The following ZIK1 variants were observed in gnomAD, a reference collection of about 807,000 sequenced individuals.
ZIK1 encodes zinc finger protein interacting with ribonucleoprotein K.
In ZIK1, 12 loss-of-function variants were observed where a neutral mutation model predicts 10.7. The observed-to-expected ratio is 1.12, with a 90% CI of 0.72 to 1.81. The LOEUF (loss-of-function observed/expected upper bound fraction) is 1.81, where lower values mean the gene tolerates loss of function less well. ZIK1 is among the 40% of genes most tolerant of loss of function. ZIK1 has a pLI of 0.00. For synonymous variants in ZIK1, 190 were observed against 205.0 expected (o/e 0.93, Z 0.63); for missense variants, 497 against 585.7 (o/e 0.85, Z 1.56).
chr19:57,590,188 T>C lies in ZIK1; in HGVS notation c.377T>C (p.Val126Ala), dbSNP rs1031435119. The C allele has an allele frequency of 5.0e-6, 8 of 1,614,220 alleles. No homozygotes were observed. The African/African-American group carries it at 1.1e-4, about 22-fold the overall frequency. ...ADLPGQKPYL[V>A]GECTNHHQHQ... is the part of the protein sequence containing the mutation. ...CTCCCTGGGCAGAAACCATACTTGG[T>C]TGGAGAATGTACAAACCATCACCAG... Residue 126 changes from valine (V) to alanine (A), a missense_variant, in exon 4 of 4, where the codon GTT becomes GCT. Val to Ala is a moderately conservative substitution (Grantham distance 64). Transcript: ENST00000597850.
chr19:57,587,850 T>A (rs777616482), intron 2 of ZIK1, among the ~76,000 whole-genome samples: 7 of 151,974 alleles, frequency 4.6e-5, no homozygotes, highest in Non-Finnish European at 8.8e-5. Flanking sequence ...AGGTTGGAGG[T>A]AGAGAGCCAC....
chr19:57,589,288 G>A (rs1979445237), intron 3 of ZIK1: 1 of 985,326 alleles, frequency 1.0e-6, no homozygotes, highest in Non-Finnish European at 1.2e-6. Flanking sequence ...CTTGTTGAGT[G>A]GCAACTGGTT....
intron 2 of ZIK1, among the ~76,000 whole-genome samples, chr19:57,586,937 C>G (rs1248150214): frequency 6.6e-6 from 1 of 152,120 alleles, no homozygotes; most frequent in African/African-American, 2.4e-5. Flanking sequence ...TAAAGATGTG[C>G]TGGAGACTAG....
chr19:57,589,622 G>T (rs1250253470), intron 3 of ZIK1: 2 of 985,280 alleles, frequency 2.0e-6, no homozygotes, highest in African/African-American at 3.5e-5. Context: ...AGTTTCAATT[G>T]TATTTTCCTG....
rs1307972728 is a variant in ZIK1 at position 57,584,334 on chromosome 19, C to T, written c.-23C>T. ...TCCGCCCGTAGCTGTCGGGTCCCGG[C>T]CCCGCTCTGCCCACAGACTCCGATG... On this transcript the variant is annotated 5_prime_UTR_variant, in exon 1 of 4. Transcript: ENST00000597850. 1.3e-6 allele frequency: 2 copies of T among 1,582,620 alleles called. No individual in the cohort carries two copies. The highest frequency in any genetic ancestry group is 1.7e-6 in the Non-Finnish European group (2 of 1,164,890).
In ZIK1 at chr19:57,584,934, A is replaced by G. The variant is rs1978994749; in HGVS notation, c.34-18A>G. The G allele has an allele frequency of 1.2e-6, 2 of 1,613,466 alleles. No individual in the cohort carries two copies. Among genetic ancestry groups the G allele is most frequent in the Admixed American group, 1.7e-5 (1 of 59,910 alleles). Reference sequence around the variant, plus strand: ...CCTGTATGGTCACCTGCCTTTCATGATCTTTGGCTTTCCACAGGTTACTGT... The same window carrying G: ...CCTGTATGGTCACCTGCCTTTCATGGTCTTTGGCTTTCCACAGGTTACTGT... On this transcript the variant is annotated intron_variant, in intron 1 of 3. Transcript: ENST00000597850.
intron 1 of ZIK1, among the ~76,000 whole-genome samples, 183 bp from the exon 2 acceptor site, chr19:57,584,769 G>C (rs1978978124): frequency 6.6e-6 from 1 of 152,234 alleles, no homozygotes; most frequent in African/African-American, 2.4e-5. Context: ...CAGGGAGGTT[G>C]AGTTCTTGTG....
In ZIK1 at chr19:57,584,395, C is replaced by T. The variant is rs1978940465; in HGVS notation, c.33+6C>T. The T allele has an allele frequency of 6.2e-7, 1 of 1,608,048 alleles. No homozygotes were observed. The highest frequency in any genetic ancestry group is 2.2e-5 in the East Asian group (1 of 44,670). On this transcript the variant is annotated splice_donor_region_variant and intron_variant, in intron 1 of 3. Coordinates refer to ENST00000597850, the MANE Select transcript of ZIK1 (RefSeq NM_001010879.4). Reference sequence around the variant, plus strand: ...CGCTGAGGGCCCCGACTCAGGTGAGCGCTGCCTCTACTGGGCCTCACCCTC... The same window carrying T: ...CGCTGAGGGCCCCGACTCAGGTGAGTGCTGCCTCTACTGGGCCTCACCCTC...
Position 57,591,265 on chromosome 19 carries a change from A to AT in ZIK1, c.1455dup (p.Asn486Ter). On this transcript the variant is annotated frameshift_variant, in exon 4 of 4. Coordinates refer to ENST00000597850, the MANE Select transcript of ZIK1 (RefSeq NM_001010879.4). LOFTEE classifies it high-confidence loss of function. ...AGCCTCATACATCACCAAAAATGTC[A>AT]TAACACATAGAGGCCTCATGAATGC... The AT allele has an allele frequency of 1.2e-6, 2 of 1,608,768 alleles. No individual in the cohort carries two copies. Among genetic ancestry groups the AT allele is most frequent in the Non-Finnish European group, 8.5e-7 (1 of 1,176,678 alleles).
At chr19:57,589,039 G>T (rs1296832378) in intron 3 of ZIK1, among the ~76,000 whole-genome samples, 1 of 152,022 alleles carries the variant, frequency 6.6e-6, no homozygotes, top group Non-Finnish European at 1.5e-5. Context: ...TGGGGACAAT[G>T]GGCTCTTCTT....
At position 57,590,471 on chromosome 19, in the gene ZIK1, C is replaced by G. The variant is rs1979571574; in HGVS notation, c.660C>G (p.Ser220=). The change falls in exon 4 of 4, where the codon TCC becomes TCG. Residue 220 remains serine, a synonymous_variant. Transcript: ENST00000597850. ...HYKSGECGKA[S]RHKHTPVYHP... is the part of the protein sequence containing the mutation. ...AGTCAGGTGAATGTGGGAAGGCTTCCAGGCACAAACACACTCCTGTTTACC... is the reference window on the plus strand; with the variant it reads ...AGTCAGGTGAATGTGGGAAGGCTTCGAGGCACAAACACACTCCTGTTTACC... 1 of 1,613,994 alleles carries G rather than the reference C, an allele frequency of 6.2e-7. No individual in the cohort carries two copies. Among genetic ancestry groups the G allele is most frequent in the Non-Finnish European group, 8.5e-7 (1 of 1,180,012 alleles).
rs573167003 is a variant in ZIK1 at position 57,584,696 on chromosome 19, T to C, written c.34-256T>C. 5.6e-4 allele frequency: 723 copies of C among 1,290,220 alleles called. 18 individuals carry two copies. In the South Asian group the frequency reaches 0.013, roughly 23 times the overall value. 79.9% of individuals were successfully genotyped at this position (1,290,220 alleles called of 1,614,324 possible). On this transcript the variant is annotated intron_variant, in intron 1 of 3. Transcript: ENST00000597850. ...AGCGGCATATGGTCTGAGTTAGGTCTTTCGAAGTTTTCCAAAAACCTCATG... is the reference window on the plus strand; with the variant it reads ...AGCGGCATATGGTCTGAGTTAGGTCCTTCGAAGTTTTCCAAAAACCTCATG...
chr19:57,590,607 C>G lies in ZIK1; in HGVS notation c.796C>G (p.Pro266Ala), dbSNP rs1041447588. 32 of 1,614,106 alleles carry G rather than the reference C, an allele frequency of 2.0e-5. No individual in the cohort carries two copies. The highest frequency in any genetic ancestry group is 2.7e-5 in the African/African-American group (2 of 74,924). ...QHQRVHTGER[P>A]WECNECGKFF... ...CCAGAGAGTCCATACTGGAGAAAGG[C>G]CTTGGGAGTGCAATGAATGTGGAAA... The change falls in exon 4 of 4, where the codon CCT (proline) becomes GCT (alanine). Residue 266 changes from proline (P) to alanine (A), a missense_variant. Coordinates refer to ENST00000597850, the MANE Select transcript of ZIK1 (RefSeq NM_001010879.4).
chr19:57,589,795 C>T (rs1979490478), intron 3 of ZIK1: 2 of 762,916 alleles, frequency 2.6e-6, no homozygotes, highest in African/African-American at 3.8e-5. Flanking sequence ...ATTCCCTGTC[C>T]TTCATCCCAT....
chr19:57,591,257 A>G lies in ZIK1; in HGVS notation c.1446A>G (p.Gln482=). ...FSQCSSLIHH[Q]KCHNT ...AATGCTCCAGCCTCATACATCACCA[A>G]AAATGTCATAACACATAGAGGCCTC... The change falls in exon 4 of 4, where the codon CAA becomes CAG. Residue 482 remains glutamine (Q), a synonymous_variant. Coordinates refer to ENST00000597850, the MANE Select transcript of ZIK1 (RefSeq NM_001010879.4). 6.2e-7 allele frequency: 1 copy of G among 1,610,270 alleles called. No homozygotes were observed. The highest frequency in any genetic ancestry group is 8.5e-7 in the Non-Finnish European group (1 of 1,177,558).
intron 2 of ZIK1, among the ~76,000 whole-genome samples, chr19:57,585,619 G>T (rs1001067705): frequency 2.6e-5 from 4 of 152,176 alleles, no homozygotes; most frequent in African/African-American, 9.7e-5. Flanking sequence ...TACTGGTCAA[G>T]CATTACTCCA....
intron 2 of ZIK1, 31 bp from the exon 3 acceptor site, chr19:57,588,493 CTTGTGGAGGCGTTGA>C: frequency 7.2e-7 from 1 of 1,394,084 alleles, no homozygotes; most frequent in Non-Finnish European, 9.4e-7. Flanking sequence ...GGTGGATGAA[CTTGTGGAGGCGTTGA>C]TTGTGGAGTG....
chr19:57,584,207 G>C lies in ZIK1; in HGVS notation c.-150G>C. 1.4e-6 allele frequency: 2 copies of C among 1,405,708 alleles called. No homozygotes were observed. Among genetic ancestry groups the C allele is most frequent in the South Asian group, 2.9e-5 (2 of 69,068 alleles). The allele number at this position is 1,405,708 out of a possible 1,614,324, so 87.1% of individuals were successfully genotyped here. On this transcript the variant is annotated 5_prime_UTR_variant, in exon 1 of 4. Transcript: ENST00000597850. ...ACCGTCAGAGCTTTGGGAGCGCTTT[G>C]TTTGGCGACAGTCGGAAGGCGCGAG...
At chr19:57,584,782 A>G (rs1195208951) in intron 1 of ZIK1, among the ~76,000 whole-genome samples, 170 bp from the exon 2 acceptor site, 1 of 152,230 alleles carries the variant, frequency 6.6e-6, no homozygotes, top group Non-Finnish European at 1.5e-5. Context: ...TTCTTGTGCA[A>G]GGTCCCACAG....
Sources: allele counts gnomAD v4.1 joint callset (sites outside exome capture counted in the v4.1 genomes callset), GRCh38; gene constraint gnomAD v4.1.1; transcripts MANE v1.5; gene names NCBI Gene and HGNC (gene_info 2026-07-23, HGNC 2026-07-21).